TRHDE: variants seen among roughly 807,000 people sequenced by gnomAD.
The protein encoded by TRHDE is thyrotropin releasing hormone degrading enzyme.
Under a neutral mutation model 125.7 loss-of-function variants are expected in TRHDE, and 72 were observed. The observed-to-expected ratio is 0.57, with a 90% CI of 0.47 to 0.70. The LOEUF is 0.70. Among genes scored for constraint, TRHDE ranks in the 30% least tolerant of loss-of-function variants. TRHDE has a pLI of 0.00. For missense variants in TRHDE, 1,110 were observed against 1,327.1 expected (o/e 0.84, Z 2.54); for synonymous variants, 509 against 509.1 (o/e 1.00, Z 0.00).
At chr12:72,657,905 G>A (rs1302399498) in intron 18 of TRHDE, among the ~76,000 whole-genome samples, 1 of 152,160 alleles carries the variant, frequency 6.6e-6, no homozygotes, top group Admixed American at 6.6e-5. Flanking sequence ...TGAGAATGAT[G>A]GTTTTCTCAG....
At chr12:72,148,428 A>T (rs576904563) in intron 2 of TRHDE, among the ~76,000 whole-genome samples, 5 of 152,228 alleles carry the variant, frequency 3.3e-5, no homozygotes, top group Non-Finnish European at 7.3e-5. Context: ...AACAAATTTC[A>T]TCCATAAATC....
chr12:72,238,474 T>C (rs1878407928), intron 2 of TRHDE, among the ~76,000 whole-genome samples: 2 of 150,036 alleles, frequency 1.3e-5, no homozygotes, highest in South Asian at 2.1e-4. Flanking sequence ...GCACGTGCCA[T>C]GCTGGTTTGC....
intron 5 of TRHDE, among the ~76,000 whole-genome samples, chr12:72,489,461 C>T (rs948020296): frequency 2.0e-5 from 3 of 151,728 alleles, no homozygotes; most frequent in Admixed American, 6.6e-5. Flanking sequence ...CTCAAAATCC[C>T]AAGGGCATTA....
intron 2 of TRHDE, among the ~76,000 whole-genome samples, chr12:72,314,297 CTTTCTTTTCT>C (rs1868691941): frequency 7.0e-6 from 1 of 142,772 alleles, no homozygotes; most frequent in African/African-American, 2.6e-5. Context: ...TCTTTTCTTT[CTTTCTTTTCT>C]ATCTCCTCCC....
chr12:72,399,407 A>G (rs1372971920), intron 3 of TRHDE, among the ~76,000 whole-genome samples: 1 of 152,170 alleles, frequency 6.6e-6, no homozygotes, highest in Non-Finnish European at 1.5e-5. Context: ...TCATTTTCCA[A>G]TTTCTAGAAT....
chr12:72,123,079 A>G (rs1048082496), intron 2 of TRHDE, among the ~76,000 whole-genome samples: 7 of 152,208 alleles, frequency 4.6e-5, no homozygotes, highest in Non-Finnish European at 8.8e-5. Flanking sequence ...TTTTTAAGTT[A>G]AGTTTAATTT....
Position 72,195,574 on chromosome 12 carries a change from G to C in TRHDE, n.279+89822G>C, listed in dbSNP as rs188159894. Among the ~76,000 whole-genome samples the C allele has an allele frequency of 2.7e-3, 404 of 151,912 alleles. 1 individual carries two copies. The highest frequency in any genetic ancestry group is 9.3e-3 in the African/African-American group (383 of 41,364). On this transcript the variant is annotated intron_variant and non_coding_transcript_variant, in intron 2 of 4. Transcript: ENST00000548156. ...TGAGAAGTGTCTGTTCATGTCTTTT[G>C]ACCATTTTTCAATGAGGTTGTTTGT...
intron 12 of TRHDE, 22 bp from the exon 13 acceptor site, chr12:72,618,869 C>CTTTT: frequency 7.4e-7 from 1 of 1,345,196 alleles, no homozygotes; most frequent in South Asian, 1.6e-5. Flanking sequence ...CATCATGTAT[C>CTTTT]TTTTTTTTTT....
At chr12:72,516,159 A>G (rs2135955237) in intron 6 of TRHDE, among the ~76,000 whole-genome samples, 1 of 151,376 alleles carries the variant, frequency 6.6e-6, no homozygotes, top group Non-Finnish European at 1.5e-5. Context: ...ACTTTAAAGT[A>G]GTTTTTTCCA....
chr12:72,217,970 T>A (rs977369425), intron 2 of TRHDE, among the ~76,000 whole-genome samples: 3 of 152,134 alleles, frequency 2.0e-5, no homozygotes, highest in African/African-American at 7.2e-5. Context: ...TATACATGAT[T>A]ATGATTGATG....
chr12:72,498,458 T>A (rs1223224052), intron 5 of TRHDE, among the ~76,000 whole-genome samples: 1 of 152,166 alleles, frequency 6.6e-6, no homozygotes, highest in East Asian at 1.9e-4. Context: ...AGTTCAGAAT[T>A]AGCTAGAGCA....
At chr12:72,495,355 G>C (rs1877870786) in intron 5 of TRHDE, among the ~76,000 whole-genome samples, 1 of 151,890 alleles carries the variant, frequency 6.6e-6, no homozygotes, top group South Asian at 2.1e-4. Flanking sequence ...CATTACGCCT[G>C]CTACTGCCTA....
At chr12:72,542,536 A>G (rs1442828393) in intron 7 of TRHDE, among the ~76,000 whole-genome samples, 180 bp downstream of exon 7, 1 of 151,396 alleles carries the variant, frequency 6.6e-6, no homozygotes, top group Admixed American at 6.6e-5. Context: ...ATATCAACTG[A>G]CAAAACTTGA....
intron 1 of TRHDE, among the ~76,000 whole-genome samples, chr12:72,285,522 CTTTT>C (rs370394091): frequency 1.5e-5 from 2 of 131,396 alleles, no homozygotes; most frequent in Non-Finnish European, 1.6e-5. Flanking sequence ...TTTTTTTCTT[CTTTT>C]TTTTTTTTTT....
chr12:72,413,195 C>A (rs868728397), intron 3 of TRHDE, among the ~76,000 whole-genome samples: 9 of 151,938 alleles, frequency 5.9e-5, no homozygotes, highest in African/African-American at 2.2e-4. Flanking sequence ...GCTACCCAGG[C>A]AATTCTATGG....
chr12:72,585,883 G>T (rs1280233450), intron 12 of TRHDE, among the ~76,000 whole-genome samples: 1 of 152,120 alleles, frequency 6.6e-6, no homozygotes, highest in Non-Finnish European at 1.5e-5. Context: ...AAACTCTAAA[G>T]AAATTTTTAA....
At chr12:72,435,926 A>T (rs1006346590) in intron 3 of TRHDE, among the ~76,000 whole-genome samples, 1 of 152,194 alleles carries the variant, frequency 6.6e-6, no homozygotes, top group Middle Eastern at 3.4e-3. Context: ...AAAAAGTATA[A>T]ATGATAAAGG....
chr12:72,368,439 T>C (rs1203073870), intron 2 of TRHDE, among the ~76,000 whole-genome samples: 2 of 152,170 alleles, frequency 1.3e-5, no homozygotes, highest in Non-Finnish European at 2.9e-5. Flanking sequence ...ACTTTGTATG[T>C]AATAATTTGA....
chr12:72,386,641 A>G (rs1872430007), intron 3 of TRHDE, among the ~76,000 whole-genome samples: 1 of 152,140 alleles, frequency 6.6e-6, no homozygotes, highest in Admixed American at 6.6e-5. Context: ...ACTGCTTGAA[A>G]GGATTGTCCA....
Sources: allele counts gnomAD v4.1 joint callset (sites outside exome capture counted in the v4.1 genomes callset), GRCh38; gene constraint gnomAD v4.1.1; transcripts MANE v1.5; gene names NCBI Gene and HGNC (gene_info 2026-07-23, HGNC 2026-07-21).